IL13RA2: variants seen among roughly 807,000 people sequenced by gnomAD.
IL13RA2 encodes the protein interleukin-13 receptor subunit alpha-2.
A neutral mutation model predicts 34.1 loss-of-function variants in IL13RA2; 25 were observed. That is an observed-to-expected ratio of 0.73 (90% CI 0.53 to 1.03). The LOEUF (loss-of-function observed/expected upper bound fraction) is 1.03. IL13RA2 is among the 50% of genes least tolerant of loss of function. IL13RA2 has a pLI of 0.00. For missense variants in IL13RA2, 297 were observed against 280.9 expected, an observed-to-expected ratio of 1.06 and a Z score of -0.41; for synonymous variants, 106 against 100.4, an observed-to-expected ratio of 1.06 and a Z score of -0.33.
At position 115,017,202 on chromosome X, in the gene IL13RA2, G is replaced by T; in HGVS notation, c.68C>A (p.Thr23Asn). The change falls in exon 2 of 10, where the codon ACT (threonine) becomes AAT (asparagine). Residue 23 changes from threonine (T) to asparagine (N), a missense_variant. Thr to Asn is a moderately conservative substitution (Grantham distance 65). Transcript: ENST00000243213. ...TTTTATCTCGGTGTCTGAAGATGAA[G>T]TACAGCCAAATGTTGTGCTTATCAG... ...TFLISTTFGC[T>N]SSSDTEIKVN... 2.1e-6 allele frequency: 2 copies of T among 934,297 alleles called. No homozygotes were observed. The highest frequency in any genetic ancestry group is 3.1e-6 in the Non-Finnish European group (2 of 647,910). The allele number at this position is 934,297 out of a possible 1,213,427, so 77.0% of individuals were successfully genotyped here. A position where few individuals can be genotyped will look rare whatever the true frequency, so the allele number is the denominator to read the frequency against.
intron 1 of IL13RA2, 91 bp downstream of exon 1, chrX:115,017,462 G>A: frequency 2.7e-6 from 1 of 365,136 alleles, no homozygotes; most frequent in East Asian, 5.3e-5. Context: ...ATCAAGTTAG[G>A]AACCAATATA....
In IL13RA2 at chrX:115,007,973, T is replaced by C. The variant is rs1169160965; in HGVS notation, c.956A>G (p.Asp319Gly). The change falls in exon 8 of 10, where the codon GAC becomes GGC. Residue 319 changes from aspartate (D) to glycine (G), a missense_variant. Asp to Gly is a moderately conservative substitution (Grantham distance 94). Coordinates refer to ENST00000243213, the MANE Select transcript of IL13RA2 (RefSeq NM_000640.3). Reference protein sequence around the residue: ...RSKVNIYCSDDGIWSEWSDKQ... With the variant: ...RSKVNIYCSDGGIWSEWSDKQ... ...ATCACTCCACTCACTCCAAATTCCG[T>C]CATCTGAGCAATAAATATTCACTTT... 1.8e-6 allele frequency: 2 copies of C among 1,130,403 alleles called. No individual in the cohort carries two copies. The highest frequency in any genetic ancestry group is 2.4e-6 in the Non-Finnish European group (2 of 823,564). The allele number at this position is 1,130,403 out of a possible 1,213,427, so 93.2% of individuals were successfully genotyped here. A position where few individuals can be genotyped will look rare whatever the true frequency, so the allele number is the denominator to read the frequency against.
chrX:115,008,557 T>C (rs782536063), intron 7 of IL13RA2, among the ~76,000 whole-genome samples: 1 of 111,718 alleles, frequency 9.0e-6, no homozygotes, highest in African/African-American at 3.2e-5. Flanking sequence ...TGATTGTTAA[T>C]AAGAATAAGG....
chrX:115,014,159 G>A (rs1439488576), intron 4 of IL13RA2, among the ~76,000 whole-genome samples: 2 of 111,831 alleles, frequency 1.8e-5, no homozygotes, highest in African/African-American at 3.2e-5. Context: ...CTGAGCAGAT[G>A]AGCAAATACT....
chrX:115,014,679 A>G (rs1415239574), intron 3 of IL13RA2, 105 bp from the exon 4 acceptor site: 1 of 471,062 alleles, frequency 2.1e-6, no homozygotes, highest in Non-Finnish European at 3.4e-6. Context: ...AGAGTTCCCA[A>G]TATCTAAGAC....
At chrX:115,017,393 T>C in intron 1 of IL13RA2, 91 bp from the exon 2 acceptor site, 1 of 474,266 alleles carries the variant, frequency 2.1e-6, no homozygotes, top group African/African-American at 2.5e-5. Flanking sequence ...GCTCTCTGTG[T>C]GCTTCTCTAC....
At position 115,017,319 on chromosome X, in the gene IL13RA2, T is replaced by A. The variant is rs1237661089; in HGVS notation, c.-33-17A>T. The A allele has an allele frequency of 5.0e-6, 3 of 598,150 alleles. No individual in the cohort carries two copies. Among genetic ancestry groups the A allele is most frequent in the African/African-American group, 2.2e-5 (1 of 44,477 alleles). 49.3% of individuals were successfully genotyped at this position (598,150 alleles called of 1,213,427 possible). ...ATTGCCTCTCTATGAAGGAAAAATA[T>A]AACATTTTAACTTTATCTTACATCA... On this transcript the variant is annotated splice_polypyrimidine_tract_variant and intron_variant, in intron 1 of 9. Transcript: ENST00000243213.
chrX:115,016,028 A>G (rs2071725915), intron 2 of IL13RA2, among the ~76,000 whole-genome samples: 1 of 111,739 alleles, frequency 8.9e-6, no homozygotes, highest in Non-Finnish European at 1.9e-5. Flanking sequence ...CATTATACTA[A>G]CTGAAAGAAG....
chrX:115,016,623 G>T (rs1275344786), intron 2 of IL13RA2, among the ~76,000 whole-genome samples: 1 of 102,742 alleles, frequency 9.7e-6, no homozygotes, highest in Non-Finnish European at 2.0e-5. Context: ...ATAAATATAT[G>T]TATTTAATTA....
chrX:115,014,089 C>T (rs2071717138), intron 4 of IL13RA2, among the ~76,000 whole-genome samples, 200 bp from the exon 5 acceptor site: 1 of 111,746 alleles, frequency 8.9e-6, no homozygotes. Flanking sequence ...TTTGAGGGCT[C>T]ATTTACTCAT....
chrX:115,017,271 TC>T lies in IL13RA2; in HGVS notation c.-3del, dbSNP rs782811008. 1.1e-5 allele frequency: 9 copies of T among 839,338 alleles called. No individual in the cohort carries two copies. Among genetic ancestry groups the T allele is most frequent in the Non-Finnish European group, 1.4e-5 (8 of 561,556 alleles). 69.2% of individuals were successfully genotyped at this position (839,338 alleles called of 1,213,427 possible). A position where few individuals can be genotyped will look rare whatever the true frequency, so the allele number is the denominator to read the frequency against. ...GATAGCCAAGCAAACGAAAGCCATT[TC>T]TCCGAGATTTAAAACCTTGATATTG... On this transcript the variant is annotated 5_prime_UTR_variant, in exon 2 of 10. Coordinates refer to ENST00000243213, the MANE Select transcript of IL13RA2 (RefSeq NM_000640.3).
intron 6 of IL13RA2, among the ~76,000 whole-genome samples, chrX:115,010,050 T>C (rs1273903351): frequency 8.9e-6 from 1 of 111,855 alleles, no homozygotes; most frequent in Non-Finnish European, 1.9e-5. Context: ...ACACTGTAAG[T>C]ACCAAGGATG....
Position 115,017,170 on chromosome X carries a change from A to T in IL13RA2, c.94+6T>A. 1.4e-6 allele frequency: 1 copy of T among 736,326 alleles called. No homozygotes were observed. 60.7% of individuals were successfully genotyped at this position (736,326 alleles called of 1,213,427 possible). ...TTTAAAAACTATTCCATTAAAATCC[A>T]TTTACCTTTTATCTCGGTGTCTGAA... On this transcript the variant is annotated splice_donor_region_variant and intron_variant, in intron 2 of 9. Coordinates refer to ENST00000243213, the MANE Select transcript of IL13RA2 (RefSeq NM_000640.3).
chrX:115,010,889 CTTCATT>C, intron 5 of IL13RA2, 61 bp from the exon 6 acceptor site: 3 of 513,443 alleles, frequency 5.8e-6, no homozygotes, highest in Non-Finnish European at 9.2e-6. Context: ...TATCAAGGCA[CTTCATT>C]TTCAATTATA....
chrX:115,015,983 C>T (rs1215439931), intron 2 of IL13RA2, among the ~76,000 whole-genome samples, 162 bp from the exon 3 acceptor site: 2 of 112,158 alleles, frequency 1.8e-5, no homozygotes, highest in Non-Finnish European at 3.8e-5. Context: ...ACATGAAGTA[C>T]TGATTCATGC....
intron 4 of IL13RA2, 55 bp from the exon 5 acceptor site, chrX:115,013,944 G>A: frequency 1.2e-6 from 1 of 814,845 alleles, no homozygotes; most frequent in Non-Finnish European, 1.8e-6. Context: ...AATCATTTGT[G>A]AAATCATTTC....
intron 2 of IL13RA2, 34 bp downstream of exon 2, chrX:115,017,142 T>G: frequency 1.6e-6 from 1 of 635,931 alleles, no homozygotes; most frequent in Non-Finnish European, 2.6e-6. Context: ...TTACTTTTCC[T>G]AATTTAAAAA....
At chrX:115,009,852 T>G (rs782230856) in intron 6 of IL13RA2, among the ~76,000 whole-genome samples, 186 bp from the exon 7 acceptor site, 1 of 111,780 alleles carries the variant, frequency 8.9e-6, no homozygotes, top group Non-Finnish European at 1.9e-5. Context: ...ATTAACAAAC[T>G]TGGTTATTTT....
intron 8 of IL13RA2, among the ~76,000 whole-genome samples, chrX:115,005,595 A>T (rs1341028772): frequency 8.9e-6 from 1 of 112,027 alleles, no homozygotes; most frequent in African/African-American, 3.3e-5. Flanking sequence ...GAGTTTGTTT[A>T]TATTTGACCT....
Sources: gnomAD v4.1 joint callset for allele counts (sites outside exome capture counted in the v4.1 genomes callset) on GRCh38, gnomAD v4.1.1 for gene constraint, MANE v1.5 for transcripts, NCBI Gene and HGNC (gene_info 2026-07-23, HGNC 2026-07-21) for gene names.